Variants in DNER observed in about 807,000 individuals in gnomAD.
The protein encoded by DNER is delta and Notch-like epidermal growth factor-related receptor.
Under a neutral mutation model 78.2 loss-of-function variants are expected in DNER, and 33 were observed. The ratio of observed to expected loss-of-function variants is 0.42; its 90% confidence interval spans 0.32 to 0.56. The LOEUF is 0.56. DNER is among the 20% of genes least tolerant of loss of function. DNER has a pLI of 0.11. For missense variants in DNER, 918 were observed against 975.3 expected (o/e 0.94, Z 0.78); for synonymous variants, 417 against 384.8 (o/e 1.08, Z -0.98).
intron 5 of DNER, among the ~76,000 whole-genome samples, chr2:229,516,701 C>T (rs1252007948): frequency 2.7e-5 from 4 of 150,820 alleles, no homozygotes; most frequent in African/African-American, 9.8e-5. Context: ...AAGACGACTG[C>T]ATGACCCCAG....
intron 7 of DNER, among the ~76,000 whole-genome samples, chr2:229,470,934 A>G (rs1694912036): frequency 6.6e-6 from 1 of 152,196 alleles, no homozygotes; most frequent in South Asian, 2.1e-4. Flanking sequence ...GTGAAACTAT[A>G]TACTACTCCA....
At chr2:229,402,773 A>T (rs1230080305) in intron 10 of DNER, among the ~76,000 whole-genome samples, 1 of 152,182 alleles carries the variant, frequency 6.6e-6, no homozygotes, top group Admixed American at 6.5e-5. Flanking sequence ...CCTTCCATCC[A>T]CTGGTCCTCA....
chr2:229,400,094 T>C (rs1315988105), intron 10 of DNER, among the ~76,000 whole-genome samples: 1 of 151,980 alleles, frequency 6.6e-6, no homozygotes, highest in Non-Finnish European at 1.5e-5. Context: ...GATACTGAAA[T>C]TGAACAATTA....
intron 1 of DNER, among the ~76,000 whole-genome samples, chr2:229,689,077 C>T (rs1051316353): frequency 6.6e-6 from 1 of 152,184 alleles, no homozygotes; most frequent in Non-Finnish European, 1.5e-5. Context: ...ATAGGTGCAG[C>T]AAACCACCAT....
At chr2:229,528,209 A>G (rs1002456269) in intron 5 of DNER, among the ~76,000 whole-genome samples, 2 of 152,220 alleles carry the variant, frequency 1.3e-5, no homozygotes, top group African/African-American at 4.8e-5. Flanking sequence ...CACTCAAAAG[A>G]CGATGAGTGG....
intron 1 of DNER, among the ~76,000 whole-genome samples, chr2:229,612,699 C>T (rs555678850): frequency 5.3e-5 from 8 of 152,340 alleles, no homozygotes; most frequent in Admixed American, 2.6e-4. Context: ...CCAGGTTTCG[C>T]TTTGACCAAT....
At chr2:229,464,844 G>T (rs1469413386) in intron 7 of DNER, among the ~76,000 whole-genome samples, 1 of 152,176 alleles carries the variant, frequency 6.6e-6, no homozygotes, top group Non-Finnish European at 1.5e-5. Flanking sequence ...GAAGGGTACA[G>T]GGTCAGGTGC....
At chr2:229,658,558 A>G (rs1698950797) in intron 1 of DNER, among the ~76,000 whole-genome samples, 1 of 152,228 alleles carries the variant, frequency 6.6e-6, no homozygotes, top group African/African-American at 2.4e-5. Context: ...ACATGAATTC[A>G]TTCATTCAGT....
At chr2:229,452,249 C>T (rs1307541183) in intron 7 of DNER, among the ~76,000 whole-genome samples, 1 of 152,058 alleles carries the variant, frequency 6.6e-6, no homozygotes, top group African/African-American at 2.4e-5. Context: ...CAATTTGTAG[C>T]AATAAACATA....
intron 10 of DNER, among the ~76,000 whole-genome samples, chr2:229,393,682 C>T (rs1242310637): frequency 6.6e-6 from 1 of 151,950 alleles, no homozygotes; most frequent in Non-Finnish European, 1.5e-5. Context: ...CCCGTCTCTA[C>T]TAAAAATACA....
At chr2:229,665,239 A>T (rs1196577373) in intron 1 of DNER, among the ~76,000 whole-genome samples, 1 of 152,206 alleles carries the variant, frequency 6.6e-6, no homozygotes, top group East Asian at 1.9e-4. Flanking sequence ...AAATGAATTC[A>T]AGACAACAAA....
chr2:229,455,399 C>T (rs1694549034), intron 7 of DNER, among the ~76,000 whole-genome samples: 1 of 152,084 alleles, frequency 6.6e-6, no homozygotes, highest in Non-Finnish European at 1.5e-5. Flanking sequence ...ATTCTTTTCC[C>T]TTTAAACGGT....
chr2:229,684,165 AGAGAGTGTGTGTGTGT>A (rs1227081371), intron 1 of DNER, among the ~76,000 whole-genome samples: 5 of 117,022 alleles, frequency 4.3e-5, no homozygotes, highest in Non-Finnish European at 8.7e-5. Context: ...AGAGAGAGAG[AGAGAGTGTGTGTGTGT>A]GTGTGTGTGT....
chr2:229,517,599 GTA>G, intron 5 of DNER, among the ~76,000 whole-genome samples: 1 of 152,234 alleles, frequency 6.6e-6, no homozygotes, highest in African/African-American at 2.4e-5. Flanking sequence ...TGTCGCTAGA[GTA>G]TAGCAAATAA....
In DNER at chr2:229,636,380, C is replaced by T. The variant is rs183763581; in HGVS notation, c.277-44492G>A. Among the ~76,000 whole-genome samples the T allele has an allele frequency of 3.4e-4, 52 of 152,262 alleles. 1 individual carries two copies. In the South Asian group the frequency reaches 4.2e-3, roughly 12 times the overall value. On this transcript the variant is annotated intron_variant, in intron 1 of 12. Coordinates refer to ENST00000341772, the MANE Select transcript of DNER (RefSeq NM_139072.4). ...ATAGTGTTCAACTGGCACAAAAAGTCCTATCTGGACCAAGGGGTGAACAGA... is the reference window on the plus strand; with the variant it reads ...ATAGTGTTCAACTGGCACAAAAAGTTCTATCTGGACCAAGGGGTGAACAGA...
intron 1 of DNER, among the ~76,000 whole-genome samples, chr2:229,691,804 G>C (rs1225125720): frequency 6.6e-6 from 1 of 151,920 alleles, no homozygotes; most frequent in Admixed American, 6.6e-5. Context: ...CATGACTGAG[G>C]CCTGACCAAT....
chr2:229,603,045 CA>C (rs1035770558), intron 1 of DNER, among the ~76,000 whole-genome samples: 5 of 152,060 alleles, frequency 3.3e-5, no homozygotes, highest in African/African-American at 1.2e-4. Flanking sequence ...GGAACAGAGA[CA>C]AGAAACAGAA....
At chr2:229,558,217 G>A (rs1696889269) in intron 4 of DNER, among the ~76,000 whole-genome samples, 2 of 152,260 alleles carry the variant, frequency 1.3e-5, no homozygotes, top group South Asian at 4.1e-4. Flanking sequence ...ACACACACTG[G>A]CGCCTTTTGG....
intron 1 of DNER, among the ~76,000 whole-genome samples, chr2:229,625,535 G>GAA (rs1698323807): frequency 6.6e-6 from 1 of 151,804 alleles, no homozygotes; most frequent in Non-Finnish European, 1.5e-5. Flanking sequence ...GAGGGGAGCG[G>GAA]GCTCAAGGGC....
Sources: allele counts gnomAD v4.1 joint callset (sites outside exome capture counted in the v4.1 genomes callset), GRCh38; gene constraint gnomAD v4.1.1; transcripts MANE v1.5; gene names NCBI Gene and HGNC (gene_info 2026-07-23, HGNC 2026-07-21).